The following FARP1 variants were observed in gnomAD, a reference collection of about 807,000 sequenced individuals.
FARP1 encodes the protein FERM, ARH/RhoGEF and pleckstrin domain protein 1, also known as FERM, ARHGEF and pleckstrin domain-containing protein 1.
A neutral mutation model predicts 128.8 loss-of-function variants in FARP1; 52 were observed. The ratio of observed to expected loss-of-function variants is 0.40; its 90% CI spans 0.32 to 0.51. The LOEUF (loss-of-function observed/expected upper bound fraction) is 0.51, where lower values mean the gene tolerates loss of function less well. Among genes scored for constraint, FARP1 ranks in the 20% least tolerant of loss-of-function variants. The pLI is 0.45. For missense variants in FARP1, 1,333 were observed against 1,367.9 expected (o/e 0.97, Z 0.40); for synonymous variants, 580 against 551.8 (o/e 1.05, Z -0.72).
rs1461518620 is a variant in FARP1, at chr13:98,295,092, CACACACACACACAT to C, written c.172-48668_172-48655del. Among the ~76,000 whole-genome samples, 109 of 84,236 alleles carry C rather than the reference CACACACACACACAT, an allele frequency of 1.3e-3. 2 individuals carry two copies. The highest frequency in any genetic ancestry group is 5.4e-3 in the African/African-American group (92 of 16,918). 55.3% of individuals were successfully genotyped at this position (84,236 alleles called of 152,430 possible). ...ACACACACACACACACACACACACA[CACACACACACACAT>C]ATATCCCCAGGCATTATTTATTTAT... On this transcript the variant is annotated intron_variant, in intron 2 of 26. Transcript: ENST00000319562.
intron 9 of FARP1, 196 bp from the exon 10 acceptor site, chr13:98,389,761 A>C (rs1594478553): frequency 1.9e-6 from 1 of 512,924 alleles, no homozygotes; most frequent in Non-Finnish European, 3.4e-6. Context: ...GTGGGGAAGA[A>C]AATGATGGAC....
At chr13:98,408,116 C>G (rs1204469886) in intron 13 of FARP1, among the ~76,000 whole-genome samples, 1 of 152,150 alleles carries the variant, frequency 6.6e-6, no homozygotes, top group Non-Finnish European at 1.5e-5. Context: ...GTTATTTTAA[C>G]TTTGCTTACC....
chr13:98,339,141 T>C (rs1177566018), intron 2 of FARP1, among the ~76,000 whole-genome samples: 1 of 152,172 alleles, frequency 6.6e-6, no homozygotes, highest in Non-Finnish European at 1.5e-5. Context: ...ATTCTCACAG[T>C]GCTATAAAGA....
At chr13:98,428,635 G>T (rs1330205469) in intron 17 of FARP1, among the ~76,000 whole-genome samples, 1 of 152,132 alleles carries the variant, frequency 6.6e-6, no homozygotes, top group Non-Finnish European at 1.5e-5. Context: ...CTAGTCCTAG[G>T]CTGTCTCTCC....
chr13:98,281,833 T>TTGGAC (rs1884950753), intron 2 of FARP1, among the ~76,000 whole-genome samples: 1 of 152,194 alleles, frequency 6.6e-6, no homozygotes, highest in South Asian at 2.1e-4. Context: ...AATTTTCTGT[T>TTGGAC]AACTGAAATT....
intron 2 of FARP1, among the ~76,000 whole-genome samples, chr13:98,263,041 T>G (rs1027934784): frequency 5.9e-5 from 9 of 152,134 alleles, no homozygotes; most frequent in Non-Finnish European, 1.0e-4. Context: ...AGAGCTTTGC[T>G]CTTGTTGCCC....
At chr13:98,384,869 T>G in intron 7 of FARP1, 25 bp downstream of exon 7, 1 of 1,436,578 alleles carries the variant, frequency 7.0e-7, no homozygotes. Flanking sequence ...TGGCTTCATA[T>G]TCCCTCTGAG....
chr13:98,275,988 G>C (rs9513388), intron 2 of FARP1, among the ~76,000 whole-genome samples: 7,980 of 152,142 alleles, frequency 0.052, 321 homozygotes, highest in African/African-American at 0.11. Context: ...ATGTCATTAT[G>C]GAAAGTCCTA....
At chr13:98,228,897 G>GT (rs1881949950) in intron 2 of FARP1, among the ~76,000 whole-genome samples, 1 of 152,152 alleles carries the variant, frequency 6.6e-6, no homozygotes, top group African/African-American at 2.4e-5. Flanking sequence ...TTTTCTAGTA[G>GT]TTGCTATATG....
intron 24 of FARP1, among the ~76,000 whole-genome samples, chr13:98,442,313 G>A (rs961731425): frequency 1.6e-4 from 25 of 152,332 alleles, no homozygotes; most frequent in African/African-American, 5.5e-4. Context: ...GGAGGGTCTC[G>A]AGAGAGTCTC....
rs1878097204 is a variant in FARP1, at chr13:98,176,887, T to A, written c.-24+33395T>A. On this transcript the variant is annotated intron_variant, in intron 1 of 26. Transcript: ENST00000319562. The surrounding 1 kb of genome is among the most constrained non-coding windows in gnomAD (Gnocchi z 6.2). ...CGGCGTATGGTGCTCCTTCTCGGTG[T>A]CCTGCTCGAAGTCAGCGGTGGCCCC... 1.9e-6 allele frequency: 3 copies of A among 1,606,324 alleles called. No individual in the cohort carries two copies. The highest frequency in any genetic ancestry group is 8.5e-7 in the Non-Finnish European group (1 of 1,179,844).
chr13:98,308,476 A>C (rs1402215048), intron 2 of FARP1, among the ~76,000 whole-genome samples: 1 of 152,134 alleles, frequency 6.6e-6, no homozygotes, highest in Non-Finnish European at 1.5e-5. Context: ...AGATGAGGTC[A>C]GAGGCTGGAG....
chr13:98,238,463 A>G (rs1213464494), intron 2 of FARP1, among the ~76,000 whole-genome samples: 1 of 152,180 alleles, frequency 6.6e-6, no homozygotes, highest in Non-Finnish European at 1.5e-5. Flanking sequence ...GCTAATAAAG[A>G]CATATCTGAG....
intron 2 of FARP1, among the ~76,000 whole-genome samples, chr13:98,255,564 C>T (rs567170559): frequency 1.3e-5 from 2 of 151,968 alleles, no homozygotes; most frequent in African/African-American, 2.4e-5. Context: ...TTTGCCGATA[C>T]CTTAAAATAT....
At chr13:98,232,681 A>C (rs374091914) in intron 2 of FARP1, among the ~76,000 whole-genome samples, 4 of 152,196 alleles carry the variant, frequency 2.6e-5, no homozygotes, top group African/African-American at 7.2e-5. Flanking sequence ...TTTTTTATGC[A>C]CTGGGAAACC....
At chr13:98,296,780 A>G (rs1262854855) in intron 2 of FARP1, among the ~76,000 whole-genome samples, 2 of 148,380 alleles carry the variant, frequency 1.3e-5, no homozygotes, top group Non-Finnish European at 3.0e-5. Flanking sequence ...CTGCTTCCCA[A>G]CTCAGGTGAT....
chr13:98,239,537 G>C (rs1369373090), intron 2 of FARP1, among the ~76,000 whole-genome samples: 2 of 152,278 alleles, frequency 1.3e-5, no homozygotes, highest in Non-Finnish European at 2.9e-5. Flanking sequence ...GGAGGGGGAG[G>C]AGACATGGCT....
intron 2 of FARP1, among the ~76,000 whole-genome samples, chr13:98,288,981 T>C (rs931525666): frequency 4.6e-5 from 7 of 152,040 alleles, no homozygotes; most frequent in Admixed American, 1.3e-4. Flanking sequence ...TTTTTTTTTT[T>C]TTTCTGTGTA....
intron 21 of FARP1, 104 bp from the exon 22 acceptor site, chr13:98,439,857 G>C: frequency 1.2e-6 from 1 of 837,854 alleles, no homozygotes; most frequent in Non-Finnish European, 1.9e-6. Context: ...CCTGAGCCCT[G>C]CTCAGGGGCA....
Sources: gnomAD v4.1 joint callset for allele counts (sites outside exome capture counted in the v4.1 genomes callset) on GRCh38, gnomAD v4.1.1 for gene constraint, Gnocchi (gnomAD v3.1) non-coding constraint, MANE v1.5 for transcripts, NCBI Gene and HGNC (gene_info 2026-07-23, HGNC 2026-07-21) for gene names.